NTM: variants seen among roughly 807,000 people sequenced by gnomAD.
NTM encodes the protein IgLON family member 2.
A neutral mutation model predicts 42.1 loss-of-function variants in NTM; 13 were observed. The observed-to-expected ratio is 0.31, with a 90% CI of 0.20 to 0.49. NTM has a LOEUF of 0.49. Ranked by LOEUF, NTM falls within the 20% of genes least tolerant of loss-of-function variation. The probability of loss-of-function intolerance (pLI) is 0.99; values close to 1 mark genes in which losing one functional copy is unlikely to be tolerated. For synonymous variants in NTM, 187 were observed against 179.2 expected (o/e 1.04, Z -0.35); for missense variants, 373 against 452.8 (o/e 0.82, Z 1.60).
In NTM at chr11:131,938,963, A is replaced by T. The variant is rs149298187; in HGVS notation, c.167+27315A>T. On this transcript the variant is annotated intron_variant, in intron 2 of 8. Coordinates refer to ENST00000683400, the MANE Select transcript of NTM (RefSeq NM_001352005.2). ...AGCAAGAGGACCCTTAGATACACTA[A>T]GTTTATGATGTTTGTTTAGCATCAA... 2.1e-3 allele frequency among the ~76,000 whole-genome samples: 324 copies of T among 152,262 alleles called. 1 individual carries two copies. Among genetic ancestry groups the T allele is most frequent in the Middle Eastern group, 6.8e-3 (2 of 294 alleles).
At chr11:131,766,010 C>T (rs1028138642) in intron 1 of NTM, among the ~76,000 whole-genome samples, 2 of 152,076 alleles carry the variant, frequency 1.3e-5, no homozygotes, top group African/African-American at 4.8e-5. Flanking sequence ...ATTCTAGGGA[C>T]CTGAATATAA....
intron 1 of NTM, among the ~76,000 whole-genome samples, chr11:131,590,226 G>A (rs552766648): frequency 6.6e-5 from 10 of 152,328 alleles, no homozygotes; most frequent in Non-Finnish European, 1.2e-4. Flanking sequence ...AACCAGGACT[G>A]TCTGACAGCA....
chr11:131,685,495 A>G lies in NTM; in HGVS notation c.83-226069A>G, dbSNP rs551657737. Among the ~76,000 whole-genome samples, 32 of 152,294 alleles carry G rather than the reference A, an allele frequency of 2.1e-4. No homozygotes were observed. The East Asian group carries it at 2.3e-3, about 11-fold the overall frequency. On this transcript the variant is annotated intron_variant, in intron 1 of 8. Transcript: ENST00000683400. ...CTCTGCTGCAAACACATTGGCCTCC[A>G]TCTTCAGCTGGTCCCCTGTACGCCA...
At chr11:132,291,070 G>A (rs779560325) in intron 4 of NTM, among the ~76,000 whole-genome samples, 12 of 152,268 alleles carry the variant, frequency 7.9e-5, no homozygotes, top group Admixed American at 2.0e-4. Flanking sequence ...TGATGGTATC[G>A]TATGGCCTGG....
intron 1 of NTM, among the ~76,000 whole-genome samples, chr11:131,869,507 GT>G (rs2047563935): frequency 6.6e-6 from 1 of 152,160 alleles, no homozygotes; most frequent in Non-Finnish European, 1.5e-5. Flanking sequence ...GGCTCATCCT[GT>G]CCTTGCTCAT....
intron 1 of NTM, among the ~76,000 whole-genome samples, chr11:131,525,857 GTGT>G (rs1371021905): frequency 1.8e-4 from 26 of 144,294 alleles, no homozygotes; most frequent in Admixed American, 1.8e-3. Flanking sequence ...GTGTGTGTGT[GTGT>G]GCATGTATAT....
intron 1 of NTM, among the ~76,000 whole-genome samples, chr11:131,745,530 C>T (rs60471707): frequency 1.3e-5 from 2 of 152,174 alleles, no homozygotes; most frequent in Non-Finnish European, 2.9e-5. Flanking sequence ...CCGCCCTCAT[C>T]TTCCTTGGTT....
chr11:131,850,896 T>C (rs918016292), intron 1 of NTM, among the ~76,000 whole-genome samples: 3 of 152,222 alleles, frequency 2.0e-5, no homozygotes, highest in Non-Finnish European at 2.9e-5. Flanking sequence ...CAGATTTCTT[T>C]CAACAGACAA....
At chr11:131,851,418 T>C (rs1293149937) in intron 1 of NTM, among the ~76,000 whole-genome samples, 2 of 152,192 alleles carry the variant, frequency 1.3e-5, no homozygotes, top group Non-Finnish European at 2.9e-5. Context: ...TTTAATATTT[T>C]TGTTGTATGG....
intron 1 of NTM, among the ~76,000 whole-genome samples, chr11:131,592,702 G>T (rs1360459252): frequency 2.0e-5 from 3 of 146,658 alleles, no homozygotes; most frequent in Non-Finnish European, 4.5e-5. Flanking sequence ...GTTCAAAGTT[G>T]ACCTTTAGGG....
chr11:132,196,576 G>A (rs2138370681), intron 3 of NTM, among the ~76,000 whole-genome samples: 1 of 152,308 alleles, frequency 6.6e-6, no homozygotes, highest in Non-Finnish European at 1.5e-5. Context: ...TAGAGAAAAT[G>A]TGGTACATAT....
intron 1 of NTM, among the ~76,000 whole-genome samples, chr11:131,656,049 C>A (rs2067144671): frequency 6.6e-6 from 1 of 152,182 alleles, no homozygotes; most frequent in Admixed American, 6.5e-5. Flanking sequence ...TCCTTCATTT[C>A]CCTCAAATCC....
intron 2 of NTM, among the ~76,000 whole-genome samples, chr11:131,957,789 T>C (rs2061706146): frequency 6.6e-6 from 1 of 152,170 alleles, no homozygotes; most frequent in Non-Finnish European, 1.5e-5. Flanking sequence ...ATGGACAGTT[T>C]TTATGTTAAT....
chr11:131,679,353 A>G (rs1325494738), intron 1 of NTM, among the ~76,000 whole-genome samples: 1 of 152,052 alleles, frequency 6.6e-6, no homozygotes, highest in African/African-American at 2.4e-5. Context: ...TCAAGCCCAA[A>G]CTCTAGATCA....
chr11:131,515,278 T>C (rs2048753006), intron 1 of NTM, among the ~76,000 whole-genome samples: 1 of 152,152 alleles, frequency 6.6e-6, no homozygotes, highest in Admixed American at 6.5e-5. Flanking sequence ...CCCACAGTGT[T>C]TGCAAGGCTG....
intron 1 of NTM, among the ~76,000 whole-genome samples, chr11:131,393,887 A>G (rs575333101): frequency 5.3e-5 from 8 of 152,334 alleles, no homozygotes; most frequent in East Asian, 3.9e-4. Flanking sequence ...CCTTCAGCCT[A>G]TTAAGCAAAC....
chr11:131,514,005 C>G (rs934469272), intron 1 of NTM, among the ~76,000 whole-genome samples: 3 of 152,090 alleles, frequency 2.0e-5, no homozygotes, highest in Non-Finnish European at 2.9e-5. Flanking sequence ...ATTTATGCTT[C>G]TAAGCCTTGG....
intron 1 of NTM, among the ~76,000 whole-genome samples, chr11:131,789,409 T>TG (rs1565549094): frequency 4.4e-4 from 36 of 82,320 alleles, no homozygotes; most frequent in African/African-American, 1.6e-3. Flanking sequence ...ATTGCTGCAG[T>TG]TAAAAGAAAA....
At chr11:132,065,803 G>A (rs963799280) in intron 2 of NTM, among the ~76,000 whole-genome samples, 4 of 152,188 alleles carry the variant, frequency 2.6e-5, no homozygotes, top group Non-Finnish European at 4.4e-5. Context: ...TAACAATTGG[G>A]TGAAGCAGGT....
Sources: gnomAD v4.1 joint callset for allele counts (sites outside exome capture counted in the v4.1 genomes callset) on GRCh38, gnomAD v4.1.1 for gene constraint, MANE v1.5 for transcripts, NCBI Gene and HGNC (gene_info 2026-07-23, HGNC 2026-07-21) for gene names.